Variants in B4GALT3 observed in about 807,000 individuals in gnomAD.
B4GALT3 encodes the protein N-acetyllactosamine synthase.
In B4GALT3, 29 loss-of-function variants were observed where a neutral mutation model predicts 40.7. The ratio of observed to expected loss-of-function variants is 0.71; its 90% CI spans 0.53 to 0.97. The LOEUF (loss-of-function observed/expected upper bound fraction) is 0.97, where lower values mean the gene tolerates loss of function less well. B4GALT3 is among the 50% of genes least tolerant of loss of function. B4GALT3 has a pLI of 0.00. For synonymous variants in B4GALT3, 182 were observed against 203.9 expected, an observed-to-expected ratio of 0.89 and a Z score of 0.92; for missense variants, 390 against 522.3, an observed-to-expected ratio of 0.75 and a Z score of 2.47.
intron 4 of B4GALT3, 127 bp downstream of exon 4, chr1:161,174,866 T>G (rs1662894339): frequency 9.9e-7 from 1 of 1,014,530 alleles, no homozygotes; most frequent in African/African-American, 1.6e-5. Context: ...CGGGTGCTTC[T>G]CCACACTCTA....
Position 161,175,006 on chromosome 1 carries a change from T to G in B4GALT3, c.476A>C (p.Tyr159Ser). Reference protein sequence around the residue: ...LQRQQLAYGIYVIHQAGNGTF... With the variant: ...LQRQQLAYGISVIHQAGNGTF... ...GATTGGGGGTACCTGGTGGATGACATAGATGCCATAAGCAAGCTGCTGGCG... is the reference window on the plus strand; with the variant it reads ...GATTGGGGGTACCTGGTGGATGACAGAGATGCCATAAGCAAGCTGCTGGCG... The change falls in exon 4 of 8, where the codon TAT becomes TCT. Residue 159 changes from tyrosine (Y) to serine (S), a missense_variant. Transcript: ENST00000319769. The G allele has an allele frequency of 6.2e-7, 1 of 1,613,598 alleles. No homozygotes were observed. The highest frequency in any genetic ancestry group is 8.5e-7 in the Non-Finnish European group (1 of 1,179,880).
At chr1:161,172,905 G>A (rs987349385) in intron 6 of B4GALT3, among the ~76,000 whole-genome samples, 2 of 151,012 alleles carry the variant, frequency 1.3e-5, no homozygotes, top group African/African-American at 2.4e-5. Flanking sequence ...GAAAAGAAAA[G>A]GGTAGAACCA....
chr1:161,176,873 C>T lies in B4GALT3; in HGVS notation c.-160-294G>A, dbSNP rs561876767. 1.4e-5 allele frequency: 21 copies of T among 1,536,010 alleles called. No homozygotes were observed. In the East Asian group the frequency reaches 3.7e-4, roughly 27 times the overall value. The stretch of plus-strand genomic sequence containing the variant: ...GACCAAGAACCAGTTGAAGTGGCGA[C>T]AGAGTCATGACAGGACCGTGGAGTG... On this transcript the variant is annotated intron_variant, in intron 1 of 7. Transcript: ENST00000319769.
chr1:161,171,691 A>ACC lies in B4GALT3; in HGVS notation c.*123_*124dup. On this transcript the variant is annotated 3_prime_UTR_variant, in exon 8 of 8. Coordinates refer to ENST00000319769, the MANE Select transcript of B4GALT3 (RefSeq NM_003779.4). ...GTCCAGCAGTGAGGGAGAGGCCCCT[A>ACC]CCCCCTAGCACGGCACCAGAGTTCA... 7.3e-7 allele frequency: 1 copy of ACC among 1,363,400 alleles called. No individual in the cohort carries two copies. The highest frequency in any genetic ancestry group is 1.0e-6 in the Non-Finnish European group (1 of 1,001,232). The allele number at this position is 1,363,400 out of a possible 1,614,324, so 84.5% of individuals were successfully genotyped here. A position where few individuals can be genotyped will look rare whatever the true frequency, so the allele number is the denominator to read the frequency against.
intron 7 of B4GALT3, 69 bp from the exon 8 acceptor site, chr1:161,172,158 T>C (rs1294920675): frequency 6.2e-7 from 1 of 1,612,030 alleles, no homozygotes; most frequent in Non-Finnish European, 8.5e-7. Context: ...CTTTAGGATT[T>C]TCCTGGCTAG....
chr1:161,177,358 C>T (rs995179809), intron 1 of B4GALT3, 65 bp downstream of exon 1: 7 of 435,220 alleles, frequency 1.6e-5, no homozygotes, highest in East Asian at 4.2e-5. Flanking sequence ...CAAAACTTCT[C>T]ACTCTCTCGA....
chr1:161,173,505 G>C, intron 6 of B4GALT3, 100 bp downstream of exon 6: 4 of 1,540,366 alleles, frequency 2.6e-6, no homozygotes, highest in Admixed American at 1.7e-5. Flanking sequence ...GCAGGACCAG[G>C]GAGCTAAAGG....
chr1:161,173,251 G>C (rs768745553), intron 6 of B4GALT3, among the ~76,000 whole-genome samples: 5 of 152,216 alleles, frequency 3.3e-5, no homozygotes, highest in Non-Finnish European at 7.3e-5. Context: ...TGGGAACATG[G>C]AGCAGAGCCC....
At position 161,175,861 on chromosome 1, in the gene B4GALT3, C is replaced by A; in HGVS notation, c.200G>T (p.Gly67Val). The A allele has an allele frequency of 6.2e-7, 1 of 1,614,138 alleles. No homozygotes were observed. The highest frequency in any genetic ancestry group is 1.1e-5 in the South Asian group (1 of 91,082). ...GGGCAGACCTTGAGGAGCTGGAGGA[C>A]CCCCTGGGGCCCCAGGCAGGTGACT... is the stretch of plus-strand genomic sequence containing the variant. The part of the protein sequence containing the change: ...NLSHLPGAPG[G>V]PPAPQGLPYC... Residue 67 changes from glycine to valine, a missense_variant, in exon 3 of 8, where the codon GGT (glycine) becomes GTT (valine). Physicochemically the swap from Gly to Val is moderately radical, Grantham distance 109. Transcript: ENST00000319769.
chr1:161,176,011 C>T lies in B4GALT3; in HGVS notation c.50G>A (p.Gly17Asp). 1 of 1,614,114 alleles carries T rather than the reference C, an allele frequency of 6.2e-7. No individual in the cohort carries two copies. The highest frequency in any genetic ancestry group is 1.3e-5 in the African/African-American group (1 of 75,002). The change falls in exon 3 of 8, where the codon GGC (glycine) becomes GAC (aspartate). Residue 17 changes from glycine (G) to aspartate (D), a missense_variant. Gly to Asp is a moderately conservative substitution (Grantham distance 94, BLOSUM62 -1). Around this residue, in one of 3 missense-constraint regions of B4GALT3, gnomAD observed 183 missense variants for 223.2 expected, o/e 0.82. Transcript: ENST00000319769. ...ERPCTLALLVGSQLAVMMYLS... is the reference protein window; with the variant it reads ...ERPCTLALLVDSQLAVMMYLS... ...GTACATCATGACAGCCAGCTGGGAG[C>T]CCACAAGCAGGGCCAGCGTGCAAGG...
chr1:161,177,318 C>A, intron 1 of B4GALT3, 105 bp downstream of exon 1: 1 of 540,128 alleles, frequency 1.9e-6, no homozygotes, highest in Non-Finnish European at 3.3e-6. Context: ...AGGACCCCGT[C>A]CCTGCTCAGG....
rs1229352498 is a variant in B4GALT3, at chr1:161,172,335, T to C, written c.804-4A>G. Reference sequence around the variant, plus strand: ...CTTCATCCCAGCCAGGCGCACCCTATGGGAAAAGTGAGGGTATCATGGGGG... The same window carrying C: ...CTTCATCCCAGCCAGGCGCACCCTACGGGAAAAGTGAGGGTATCATGGGGG... On this transcript the variant is annotated splice_polypyrimidine_tract_variant and splice_region_variant and intron_variant, in intron 6 of 7. Transcript: ENST00000319769. The C allele has an allele frequency of 1.2e-5, 20 of 1,612,648 alleles. No individual in the cohort carries two copies. The highest frequency in any genetic ancestry group is 1.7e-5 in the Non-Finnish European group (20 of 1,179,510).
chr1:161,174,779 G>A (rs1662853821), intron 4 of B4GALT3: 1 of 551,580 alleles, frequency 1.8e-6, no homozygotes, highest in African/African-American at 1.9e-5. Context: ...AAAAATCACA[G>A]GAGAGTGTAG....
At chr1:161,172,485 G>T in intron 6 of B4GALT3, 154 bp from the exon 7 acceptor site, 1 of 654,696 alleles carries the variant, frequency 1.5e-6, no homozygotes, top group Non-Finnish European at 2.5e-6. Flanking sequence ...GAAGGAAATG[G>T]CTGAAGAGAA....
intron 6 of B4GALT3, chr1:161,172,547 G>C (rs1352385391): frequency 9.3e-6 from 5 of 539,610 alleles, no homozygotes; most frequent in Non-Finnish European, 1.6e-5. Context: ...AGTCACCCTA[G>C]GGCCTTTAAA....
At chr1:161,177,282 C>T in intron 1 of B4GALT3, 141 bp downstream of exon 1, 1 of 580,714 alleles carries the variant, frequency 1.7e-6, no homozygotes, top group Non-Finnish European at 3.1e-6. Flanking sequence ...CGTGAGCCCG[C>T]CCGGCCCCCG....
intron 1 of B4GALT3, chr1:161,176,862 T>A (rs974282564): frequency 1.2e-5 from 19 of 1,535,658 alleles, no homozygotes; most frequent in Non-Finnish European, 1.7e-5. Context: ...AAGAACCAGT[T>A]GAAGTGGCGA....
Position 161,171,617 on chromosome 1 carries a change from G to A in B4GALT3, c.*199C>T. 1.5e-6 allele frequency: 1 copy of A among 680,586 alleles called. No homozygotes were observed. The highest frequency in any genetic ancestry group is 2.4e-6 in the Non-Finnish European group (1 of 410,472). 42.2% of individuals were successfully genotyped at this position (680,586 alleles called of 1,614,324 possible). ...AGGATTCACAGTCATAAGCCCTACA[G>A]GAGACCCTAGAGAGAGGGACCCCTC... is the stretch of plus-strand genomic sequence containing the variant. On this transcript the variant is annotated 3_prime_UTR_variant, in exon 8 of 8. Transcript: ENST00000319769.
intron 3 of B4GALT3, among the ~76,000 whole-genome samples, 188 bp from the exon 4 acceptor site, chr1:161,175,416 G>A (rs889330137): frequency 6.6e-6 from 1 of 152,102 alleles, no homozygotes; most frequent in Non-Finnish European, 1.5e-5. Flanking sequence ...GAAGGTGCAG[G>A]ATCCTTACCT....
Sources: gnomAD v4.1 joint callset for allele counts (sites outside exome capture counted in the v4.1 genomes callset) on GRCh38, gnomAD v4.1.1 for gene constraint, gnomAD v4.1.1 regional missense constraint, MANE v1.5 for transcripts, NCBI Gene and HGNC (gene_info 2026-07-23, HGNC 2026-07-21) for gene names.